The following CRYBG3 variants were observed in gnomAD, a reference collection of about 807,000 sequenced individuals.
CRYBG3 encodes the protein very large A-kinase anchor protein.
CRYBG3 carries 127 observed loss-of-function variants against 244.2 expected under a neutral mutation model. That is an observed-to-expected ratio of 0.52 (90% CI 0.45 to 0.60). CRYBG3 has a LOEUF of 0.60. Among genes scored for constraint, CRYBG3 ranks in the 20% least tolerant of loss-of-function variants. The probability of loss-of-function intolerance (pLI) is 0.00; values close to 1 mark genes in which losing one functional copy is unlikely to be tolerated. For missense variants in CRYBG3, 3,325 were observed against 3,442.5 expected, an observed-to-expected ratio of 0.97 and a Z score of 0.85; for synonymous variants, 1,132 against 1,195.8, an observed-to-expected ratio of 0.95 and a Z score of 1.10.
At chr3:97,932,423 A>G (rs1024910614) in intron 17 of CRYBG3, among the ~76,000 whole-genome samples, 1 of 151,876 alleles carries the variant, frequency 6.6e-6, no homozygotes, top group African/African-American at 2.4e-5. Flanking sequence ...CACACCCTTC[A>G]CTGTTCCAAA....
At position 97,877,162 on chromosome 3, in the gene CRYBG3, T is replaced by A. The variant is rs2039386703; in HGVS notation, c.5968T>A (p.Ser1990Thr). 1.2e-6 allele frequency: 2 copies of A among 1,613,898 alleles called. No individual in the cohort carries two copies. The highest frequency in any genetic ancestry group is 1.7e-6 in the Non-Finnish European group (2 of 1,179,940). The change falls in exon 4 of 22, where the codon TCT (serine) becomes ACT (threonine). Residue 1990 changes from serine to threonine, a missense_variant. This residue lies in a region of CRYBG3 where 450 missense variants were observed against 424.1 expected (regional missense o/e 1.06). Coordinates refer to ENST00000389622, the MANE Select transcript of CRYBG3 (RefSeq NM_153605.4). ...SDKGYNLAFV[S>T]QDEQENSSFT... is the part of the protein sequence containing the mutation. The stretch of plus-strand genomic sequence containing the variant: ...CAAAGGATATAATTTAGCTTTTGTT[T>A]CTCAAGATGAACAAGAAAATTCTTC...
In CRYBG3 at chr3:97,874,927, G is replaced by A. The variant is rs1412095475; in HGVS notation, c.3733G>A (p.Glu1245Lys). 5 of 1,535,580 alleles carry A rather than the reference G, an allele frequency of 3.3e-6. No homozygotes were observed. Among genetic ancestry groups the A allele is most frequent in the Non-Finnish European group, 4.4e-6 (5 of 1,146,766 alleles). The part of the protein sequence containing the change: ...NLGTLKEDIS[E>K]KNPSEVTLTE... ...GGGTACCCTGAAAGAAGACATCTCT[G>A]AGAAAAACCCATCAGAAGTGACACT... The change falls in exon 4 of 22, where the codon GAG (glutamate) becomes AAG (lysine). Residue 1245 changes from glutamate to lysine, a missense_variant. Physicochemically the swap from Glu to Lys is moderately conservative, Grantham distance 56. Coordinates refer to ENST00000389622, the MANE Select transcript of CRYBG3 (RefSeq NM_153605.4).
chr3:97,935,063 G>A (rs1041805306), intron 18 of CRYBG3, among the ~76,000 whole-genome samples: 5 of 152,118 alleles, frequency 3.3e-5, no homozygotes, highest in South Asian at 2.1e-4. Context: ...AGTGAAGGCT[G>A]CCTAAGGATT....
chr3:97,869,394 A>G (rs535701635), intron 3 of CRYBG3, among the ~76,000 whole-genome samples: 7 of 152,234 alleles, frequency 4.6e-5, no homozygotes, highest in African/African-American at 1.7e-4. Flanking sequence ...ATTTTTTTCC[A>G]TATTGCATGT....
At position 97,936,926 on chromosome 3, in the gene CRYBG3, A is replaced by AT; in HGVS notation, c.8505+19dup. ...TGAAGCAGGTAAGGAGAAAAGAACC[A>AT]TAAGATTCCAAATAGCTTGCTTTTG... On this transcript the variant is annotated intron_variant, in intron 19 of 21. Coordinates refer to ENST00000389622, the MANE Select transcript of CRYBG3 (RefSeq NM_153605.4). 1 of 1,606,302 alleles carries AT rather than the reference A, an allele frequency of 6.2e-7. No homozygotes were observed. Among genetic ancestry groups the AT allele is most frequent in the Non-Finnish European group, 8.5e-7 (1 of 1,177,200 alleles).
intron 1 of CRYBG3, among the ~76,000 whole-genome samples, chr3:97,833,954 G>A (rs1017408414): frequency 1.3e-5 from 2 of 152,016 alleles, no homozygotes; most frequent in Non-Finnish European, 2.9e-5. Flanking sequence ...AGGAAACAAG[G>A]GGTCAGGATG....
intron 1 of CRYBG3, among the ~76,000 whole-genome samples, chr3:97,839,850 A>G (rs1243422747): frequency 2.0e-5 from 3 of 151,530 alleles, no homozygotes; most frequent in East Asian, 3.9e-4. Flanking sequence ...CTCCCAAAGT[A>G]TTGGGATTAC....
intron 15 of CRYBG3, among the ~76,000 whole-genome samples, chr3:97,907,933 T>G (rs1418538693): frequency 6.6e-6 from 1 of 151,996 alleles, no homozygotes; most frequent in Non-Finnish European, 1.5e-5. Flanking sequence ...TCCCAGAGAT[T>G]CTGGTATGTT....
chr3:97,833,844 A>G (rs2038691696), intron 1 of CRYBG3, among the ~76,000 whole-genome samples: 1 of 152,238 alleles, frequency 6.6e-6, no homozygotes, highest in East Asian at 1.9e-4. Flanking sequence ...TTGGCTCAGG[A>G]TTCTGATGGC....
chr3:97,853,029 A>T (rs1046173114), intron 2 of CRYBG3, among the ~76,000 whole-genome samples: 1 of 152,004 alleles, frequency 6.6e-6, no homozygotes, highest in African/African-American at 2.4e-5. Context: ...AATTATTTTA[A>T]TAGTTTAGTA....
chr3:97,875,762 G>A lies in CRYBG3; in HGVS notation c.4568G>A (p.Gly1523Glu). ...ACACCTCTTGCAATGTCAGATGTAG[G>A]GAAAGTACACAAGAAGGATAATGAA... Reference protein sequence around the residue: ...KNTPLAMSDVGKVHKKDNEIN... With the variant: ...KNTPLAMSDVEKVHKKDNEIN... Residue 1523 changes from glycine to glutamate, a missense_variant, in exon 4 of 22, where the codon GGG becomes GAG. Gly to Glu is a moderately conservative substitution (Grantham distance 98). This residue lies in a region of CRYBG3 where 635 missense variants were observed against 771.7 expected (regional missense o/e 0.82). Coordinates refer to ENST00000389622, the MANE Select transcript of CRYBG3 (RefSeq NM_153605.4). The A allele has an allele frequency of 8.1e-7, 1 of 1,231,958 alleles. No homozygotes were observed. The highest frequency in any genetic ancestry group is 3.2e-5 in the East Asian group (1 of 31,680). The allele number at this position is 1,231,958 out of a possible 1,614,324, so 76.3% of individuals were successfully genotyped here. A position where few individuals can be genotyped will look rare whatever the true frequency, so the allele number is the denominator to read the frequency against.
chr3:97,881,328 A>T (rs1201923088), intron 7 of CRYBG3, 109 bp downstream of exon 7: 11 of 630,902 alleles, frequency 1.7e-5, no homozygotes, highest in Non-Finnish European at 2.9e-5. Context: ...TTGTGCTGTT[A>T]TTAATCTTCA....
chr3:97,935,052 C>G (rs2040146465), intron 18 of CRYBG3, among the ~76,000 whole-genome samples: 1 of 152,004 alleles, frequency 6.6e-6, no homozygotes, highest in Non-Finnish European at 1.5e-5. Context: ...GAGTAAGGAA[C>G]AGTGAAGGCT....
chr3:97,848,697 A>G (rs2038939198), intron 2 of CRYBG3, among the ~76,000 whole-genome samples: 1 of 152,208 alleles, frequency 6.6e-6, no homozygotes, highest in African/African-American at 2.4e-5. Flanking sequence ...AGTAGCTGGG[A>G]CTACAGACAG....
chr3:97,827,677 A>T (rs1391658570), intron 1 of CRYBG3, among the ~76,000 whole-genome samples: 3 of 152,154 alleles, frequency 2.0e-5, no homozygotes, highest in Non-Finnish European at 4.4e-5. Flanking sequence ...TTAAGCCCTG[A>T]GCTTGGAACT....
At chr3:97,935,756 C>G (rs1466522572) in intron 18 of CRYBG3, among the ~76,000 whole-genome samples, 1 of 152,076 alleles carries the variant, frequency 6.6e-6, no homozygotes, top group Non-Finnish European at 1.5e-5. Flanking sequence ...CTGGATGACC[C>G]TGTTCCTGAG....
At chr3:97,897,753 A>G (rs1206795506) in intron 12 of CRYBG3, among the ~76,000 whole-genome samples, 1 of 152,150 alleles carries the variant, frequency 6.6e-6, no homozygotes, top group African/African-American at 2.4e-5. Flanking sequence ...GTTTCTCACC[A>G]TTTAGTTCCC....
chr3:97,863,191 G>T (rs899133291), intron 2 of CRYBG3, among the ~76,000 whole-genome samples: 1 of 152,108 alleles, frequency 6.6e-6, no homozygotes, highest in Admixed American at 6.6e-5. Context: ...TTTTATAAGG[G>T]CTAGTGAGCA....
chr3:97,834,910 A>G lies in CRYBG3; in HGVS notation c.150-8285A>G, dbSNP rs569036283. Reference sequence around the variant, plus strand: ...ATATTTGCTTTTACAAAACAGGTATAAAATTATAAGAGGACGAAAAAGCAA... The same window carrying G: ...ATATTTGCTTTTACAAAACAGGTATGAAATTATAAGAGGACGAAAAAGCAA... On this transcript the variant is annotated intron_variant, in intron 1 of 21. Transcript: ENST00000389622. Among the ~76,000 whole-genome samples, 6 of 152,274 alleles carry G rather than the reference A, an allele frequency of 3.9e-5. No homozygotes were observed. In the East Asian group the frequency reaches 7.7e-4, roughly 20 times the overall value.
Sources: allele counts gnomAD v4.1 joint callset (sites outside exome capture counted in the v4.1 genomes callset), GRCh38; gene constraint gnomAD v4.1.1; regional missense constraint gnomAD v4.1.1; transcripts MANE v1.5; gene names NCBI Gene and HGNC (gene_info 2026-07-23, HGNC 2026-07-21).